SMYD3: variants seen among roughly 807,000 people sequenced by gnomAD.
The protein encoded by SMYD3 is SET and MYND domain containing 3.
A neutral mutation model predicts 57.7 loss-of-function variants in SMYD3; 36 were observed. The ratio of observed to expected loss-of-function variants is 0.62; its 90% CI spans 0.48 to 0.82. The LOEUF (loss-of-function observed/expected upper bound fraction) is 0.82. Among genes scored for constraint, SMYD3 ranks in the 40% least tolerant of loss-of-function variants. SMYD3 has a pLI of 0.00. For missense variants in SMYD3, 515 were observed against 538.8 expected (o/e 0.96, Z 0.44); for synonymous variants, 211 against 195.0 (o/e 1.08, Z -0.68).
chr1:245,826,861 C>T (rs1025259039), intron 10 of SMYD3, among the ~76,000 whole-genome samples: 27 of 152,304 alleles, frequency 1.8e-4, no homozygotes, highest in African/African-American at 6.5e-4. Context: ...AGAGAACTCA[C>T]TCACTATCAT....
At chr1:245,895,208 G>A (rs540848210) in intron 8 of SMYD3, among the ~76,000 whole-genome samples, 94 of 152,164 alleles carry the variant, frequency 6.2e-4, no homozygotes, top group African/African-American at 2.2e-3. Flanking sequence ...ATTCACTCTG[G>A]GGGAAACCCA....
At chr1:246,375,536 T>G (rs1258915747) in intron 1 of SMYD3, among the ~76,000 whole-genome samples, 1 of 152,090 alleles carries the variant, frequency 6.6e-6, no homozygotes, top group Non-Finnish European at 1.5e-5. Context: ...TCCTTGTCAG[T>G]AAACAGTACA....
At chr1:246,334,703 C>T (rs1188564244) in intron 3 of SMYD3, among the ~76,000 whole-genome samples, 1 of 152,020 alleles carries the variant, frequency 6.6e-6, no homozygotes, top group Non-Finnish European at 1.5e-5. Flanking sequence ...ACATGTACCC[C>T]CTGAATCTAA....
rs545124636 is a variant in SMYD3 at position 245,758,202 on chromosome 1, G to A, written c.1185+5839C>T. 2.2e-4 allele frequency among the ~76,000 whole-genome samples: 33 copies of A among 152,090 alleles called. No homozygotes were observed. The South Asian group carries it at 2.7e-3, about 12-fold the overall frequency. On this transcript the variant is annotated intron_variant, in intron 11 of 11. Transcript: ENST00000490107. The stretch of plus-strand genomic sequence containing the variant: ...TGTTTTTGAATTGTTCATTTTTAGC[G>A]TTTAGAAATACAACTGATTTTTGTG...
intron 5 of SMYD3, among the ~76,000 whole-genome samples, chr1:246,055,196 A>G (rs977041759): frequency 1.3e-5 from 2 of 149,856 alleles, no homozygotes; most frequent in Non-Finnish European, 3.0e-5. Context: ...AAAAAAAAAA[A>G]CAAATGTTGG....
At chr1:246,241,921 G>T (rs556881654) in intron 5 of SMYD3, among the ~76,000 whole-genome samples, 5 of 152,286 alleles carry the variant, frequency 3.3e-5, no homozygotes, top group Admixed American at 1.3e-4. Context: ...TTGCATTTCT[G>T]TGGGGTCAGT....
intron 10 of SMYD3, among the ~76,000 whole-genome samples, chr1:245,773,759 T>C (rs1934564): frequency 0.023 from 3,496 of 152,314 alleles, 169 homozygotes; most frequent in Admixed American, 0.1. Flanking sequence ...TTTAGTTTAA[T>C]ACATCCTTGA....
chr1:245,983,588 A>T (rs182060271), intron 5 of SMYD3, among the ~76,000 whole-genome samples: 1 of 152,370 alleles, frequency 6.6e-6, no homozygotes, highest in African/African-American at 2.4e-5. Flanking sequence ...TGGGAGTGTT[A>T]ATAAAATCTA....
intron 5 of SMYD3, among the ~76,000 whole-genome samples, chr1:246,037,596 T>C (rs986818476): frequency 6.6e-6 from 1 of 152,242 alleles, no homozygotes; most frequent in African/African-American, 2.4e-5. Flanking sequence ...GCTCCGGCAA[T>C]GCCGTTCTCT....
At chr1:246,389,532 T>G (rs1346780923) in intron 1 of SMYD3, among the ~76,000 whole-genome samples, 3 of 42,652 alleles carry the variant, frequency 7.0e-5, no homozygotes, top group East Asian at 8.4e-4. Flanking sequence ...CATTCATTCT[T>G]GAAAATCACC....
chr1:246,360,400 A>G (rs1037095569), intron 1 of SMYD3, among the ~76,000 whole-genome samples: 3 of 152,174 alleles, frequency 2.0e-5, no homozygotes, highest in African/African-American at 7.2e-5. Context: ...TACAAATTCA[A>G]TACAATTCCC....
At chr1:245,936,599 T>A (rs547412914) in intron 5 of SMYD3, among the ~76,000 whole-genome samples, 1 of 152,290 alleles carries the variant, frequency 6.6e-6, no homozygotes, top group African/African-American at 2.4e-5. Context: ...CATTTAAAAA[T>A]TTGTGTTGAT....
At chr1:246,256,110 G>T (rs1219111937) in intron 5 of SMYD3, among the ~76,000 whole-genome samples, 1 of 152,152 alleles carries the variant, frequency 6.6e-6, no homozygotes, top group Non-Finnish European at 1.5e-5. Context: ...GAGGAGCAAG[G>T]AGAGCCAGTT....
chr1:246,469,646 T>C (rs1032063127), intron 1 of SMYD3, among the ~76,000 whole-genome samples: 1 of 151,798 alleles, frequency 6.6e-6, no homozygotes, highest in African/African-American at 2.4e-5. Context: ...TAATAATAAA[T>C]AGATACATAA....
chr1:246,321,149 T>A (rs1369543505), intron 5 of SMYD3, among the ~76,000 whole-genome samples: 1 of 152,206 alleles, frequency 6.6e-6, no homozygotes, highest in Non-Finnish European at 1.5e-5. Context: ...ATTCTCAGGA[T>A]CTCAAGAGAC....
At chr1:246,406,172 C>T (rs1286847868) in intron 1 of SMYD3, among the ~76,000 whole-genome samples, 1 of 152,012 alleles carries the variant, frequency 6.6e-6, no homozygotes, top group Non-Finnish European at 1.5e-5. Flanking sequence ...AATCTGCCTG[C>T]CTCAGCTTCC....
At chr1:246,345,380 T>C (rs2065697275) in intron 2 of SMYD3, among the ~76,000 whole-genome samples, 1 of 152,230 alleles carries the variant, frequency 6.6e-6, no homozygotes, top group Non-Finnish European at 1.5e-5. Context: ...TGTAGGGCTA[T>C]AGTTTTTATA....
At chr1:246,073,574 G>A (rs927312743) in intron 5 of SMYD3, among the ~76,000 whole-genome samples, 1 of 152,022 alleles carries the variant, frequency 6.6e-6, no homozygotes, top group Admixed American at 6.6e-5. Flanking sequence ...AAAATTAGCC[G>A]GGCATGATGG....
chr1:246,121,228 T>A (rs1333460432), intron 5 of SMYD3, among the ~76,000 whole-genome samples: 1 of 49,224 alleles, frequency 2.0e-5, no homozygotes, highest in African/African-American at 6.9e-5. Context: ...TCTTGCTCTA[T>A]GAGTATTTTT....
Sources: gnomAD v4.1 joint callset for allele counts (sites outside exome capture counted in the v4.1 genomes callset) on GRCh38, gnomAD v4.1.1 for gene constraint, MANE v1.5 for transcripts, NCBI Gene and HGNC (gene_info 2026-07-23, HGNC 2026-07-21) for gene names.